Variants in ZNF519 observed in about 807,000 individuals in gnomAD.
ZNF519 encodes the protein zinc finger protein 519, also known as similar to Zinc finger protein 85 (Zinc finger protein HPF4) (HTF1).
In ZNF519, 7 loss-of-function variants were observed where a neutral mutation model predicts 7.4. That is an observed-to-expected ratio of 0.94 (90% CI 0.54 to 1.77). ZNF519 has a LOEUF of 1.77. ZNF519 is among the 40% of genes most tolerant of loss of function. The pLI, the probability that ZNF519 is intolerant of heterozygous loss-of-function variation, is 0.00. For missense variants in ZNF519, 586 were observed against 623.1 expected, an observed-to-expected ratio of 0.94 and a Z score of 0.63; for synonymous variants, 179 against 203.3, an observed-to-expected ratio of 0.88 and a Z score of 1.02.
intron 2 of ZNF519, among the ~76,000 whole-genome samples, chr18:14,088,347 T>C (rs12966168): frequency 0.051 from 7,753 of 152,264 alleles, 213 homozygotes; most frequent in South Asian, 0.082. Context: ...TCCTGCACCA[T>C]AGTCAGTTCC....
At chr18:14,096,600 C>CA (rs1315295934), downstream of ZNF519, among the ~76,000 whole-genome samples, 4 of 152,144 alleles carry the variant, frequency 2.6e-5, no homozygotes, top group South Asian at 2.1e-4. Flanking sequence ...ACTGCAGCCT[C>CA]AAACACCTGG....
chr18:14,129,002 A>G (rs2046316315), intron 1 of ZNF519, among the ~76,000 whole-genome samples: 1 of 152,138 alleles, frequency 6.6e-6, no homozygotes, highest in Non-Finnish European at 1.5e-5. Context: ...CACATGAAAG[A>G]GGATTTGTGG....
At chr18:14,087,128 G>C (rs916240221) in intron 2 of ZNF519, among the ~76,000 whole-genome samples, 4 of 152,054 alleles carry the variant, frequency 2.6e-5, no homozygotes, top group African/African-American at 9.7e-5. Flanking sequence ...ATGGAACGAA[G>C]GACAAAAACC....
intron 2 of ZNF519, among the ~76,000 whole-genome samples, chr18:14,094,927 T>C (rs2046129621): frequency 1.3e-5 from 2 of 152,228 alleles, no homozygotes; most frequent in Non-Finnish European, 2.9e-5. Context: ...CTTACTCTGA[T>C]AAATTTCTGA....
chr18:14,105,799 A>G lies in ZNF519; in HGVS notation c.741T>C (p.Phe247=), dbSNP rs2046187289. 1 of 1,607,882 alleles carries G rather than the reference A, an allele frequency of 6.2e-7. No homozygotes were observed. The change falls in exon 3 of 3, where the codon TTT becomes TTC. Residue 247 remains phenylalanine (F), a synonymous_variant. Transcript: ENST00000590202. ...TATGTCCCTTTAGATGTGATTGACT[A>G]AAGACTATTATACATTTTTTATTAC... The part of the protein sequence containing the change: ...QRCNKKCIIV[F]SQSHLKGHKI...
intron 3 of ZNF519, among the ~76,000 whole-genome samples, chr18:14,081,839 G>A (rs561111357): frequency 2.0e-3 from 311 of 152,164 alleles, no homozygotes; most frequent in African/African-American, 7.3e-3. Flanking sequence ...GGTCTCCAAC[G>A]TGTTTTTCTG....
intron 2 of ZNF519, chr18:14,122,983 T>C (rs1480349486): frequency 2.2e-5 from 3 of 134,178 alleles, no homozygotes; most frequent in African/African-American, 5.7e-5. Flanking sequence ...CCTGTGTCCA[T>C]GTGTTCTCAT....
At chr18:14,089,168 T>C (rs1282821152) in intron 2 of ZNF519, among the ~76,000 whole-genome samples, 1 of 152,228 alleles carries the variant, frequency 6.6e-6, no homozygotes, top group East Asian at 1.9e-4. Context: ...GTAATATATG[T>C]AGCTTAAGAA....
At chr18:14,107,710 TG>T (rs2046200379) in intron 2 of ZNF519, among the ~76,000 whole-genome samples, 1 of 151,830 alleles carries the variant, frequency 6.6e-6, no homozygotes, top group Non-Finnish European at 1.5e-5. Context: ...ACAAAAAGGG[TG>T]AGTACCAGGC....
At chr18:14,072,485 G>A (rs778474147), downstream of ZNF519, 11 of 152,048 alleles carry the variant, frequency 7.2e-5, no homozygotes, top group Non-Finnish European at 1.3e-4. Context: ...CATATGTAAT[G>A]TACTTTCATA....
chr18:14,095,930 G>A (rs1001154280), downstream of ZNF519, among the ~76,000 whole-genome samples: 1 of 152,232 alleles, frequency 6.6e-6, no homozygotes, highest in African/African-American at 2.4e-5. Flanking sequence ...TGTGGCCCAG[G>A]CTGACATGGC....
At chr18:14,080,384 C>T (rs375370682) in intron 3 of ZNF519, 3 of 138,342 alleles carry the variant, frequency 2.2e-5, no homozygotes, top group Admixed American at 1.6e-4. Context: ...TGCAGTGGCG[C>T]GATCCCAGCT....
chr18:14,128,291 T>C (rs997283872), intron 1 of ZNF519, among the ~76,000 whole-genome samples: 4 of 87,010 alleles, frequency 4.6e-5, no homozygotes, highest in African/African-American at 1.3e-4. Flanking sequence ...AGACTCTCTC[T>C]CAAAACAAAC....
chr18:14,099,614 T>C (rs1018624364), downstream of ZNF519, among the ~76,000 whole-genome samples: 1 of 152,182 alleles, frequency 6.6e-6, no homozygotes, highest in African/African-American at 2.4e-5. Flanking sequence ...CCTAAAGACA[T>C]TACTTCACAT....
At chr18:14,114,011 T>A (rs1048047454) in intron 2 of ZNF519, among the ~76,000 whole-genome samples, 3 of 152,216 alleles carry the variant, frequency 2.0e-5, no homozygotes, top group African/African-American at 7.2e-5. Flanking sequence ...TAGAGTTGTT[T>A]GTGTGCCTTA....
At chr18:14,124,223 AT>A in intron 2 of ZNF519, 126 bp downstream of exon 2, 2 of 940,788 alleles carry the variant, frequency 2.1e-6, no homozygotes, top group Non-Finnish European at 3.0e-6. Flanking sequence ...GCAAACTCCC[AT>A]TTTTTCTTGA....
chr18:14,106,397 T>C lies in ZNF519; in HGVS notation c.143A>G (p.Tyr48Cys), dbSNP rs1425617162. ...CTCTGGTAAAATGCCTTGGTTGTAA[T>C]AAGAATACACAGCTGAAAGAAGTAA... ...RNLVSLAVYS[Y>C]YNQGILPEQG... Residue 48 changes from tyrosine (Y) to cysteine (C), a missense_variant, in exon 3 of 3, where the codon TAT becomes TGT. Tyr to Cys is a radical substitution (Grantham distance 194, BLOSUM62 -2). Coordinates refer to ENST00000590202, the MANE Select transcript of ZNF519 (RefSeq NM_145287.4). The C allele has an allele frequency of 1.3e-6, 2 of 1,596,352 alleles. No individual in the cohort carries two copies. The highest frequency in any genetic ancestry group is 2.3e-5 in the South Asian group (2 of 88,382).
intron 2 of ZNF519, among the ~76,000 whole-genome samples, chr18:14,117,056 GC>G (rs1353326616): frequency 6.6e-6 from 1 of 152,060 alleles, no homozygotes; most frequent in African/African-American, 2.4e-5. Context: ...ATTGGTCTCA[GC>G]AATGTTTTCT....
chr18:14,080,912 G>C (rs1447961928), intron 3 of ZNF519, among the ~76,000 whole-genome samples: 1 of 152,164 alleles, frequency 6.6e-6, no homozygotes, highest in South Asian at 2.1e-4. Context: ...CTAAGTGAAA[G>C]AAGCCAGTCT....
Sources: gnomAD v4.1 joint callset for allele counts (sites outside exome capture counted in the v4.1 genomes callset) on GRCh38, gnomAD v4.1.1 for gene constraint, MANE v1.5 for transcripts, NCBI Gene and HGNC (gene_info 2026-07-23, HGNC 2026-07-21) for gene names.